RNF135: variants seen among roughly 807,000 people sequenced by gnomAD.
RNF135 encodes E3 ubiquitin-protein ligase RNF135.
RNF135 carries 46 observed loss-of-function variants against 41.9 expected under a neutral mutation model. The ratio of observed to expected loss-of-function variants is 1.10; its 90% CI spans 0.87 to 1.40. The LOEUF is 1.40. RNF135 is among the 40% of genes most tolerant of loss of function. The probability of loss-of-function intolerance (pLI) is 0.00; values close to 1 mark genes in which losing one functional copy is unlikely to be tolerated. For missense variants in RNF135, 539 were observed against 549.8 expected (o/e 0.98, Z 0.20); for synonymous variants, 238 against 223.8 (o/e 1.06, Z -0.57).
At chr17:30,983,686 T>C (rs920623813) in intron 1 of RNF135, among the ~76,000 whole-genome samples, 2 of 151,860 alleles carry the variant, frequency 1.3e-5, no homozygotes, top group African/African-American at 4.8e-5. Flanking sequence ...CACCATTCTG[T>C]CTTCCATAGT....
In RNF135 at chr17:30,999,518, T is replaced by C. The variant is rs971953780; in HGVS notation, c.*327T>C. On this transcript the variant is annotated 3_prime_UTR_variant, in exon 5 of 5. Transcript: ENST00000328381. ...AAAGAATAGGCCCCTGCCTGGCTCC[T>C]GGGAGATAACCTCTAAGCCATTAGA... 4 of 355,004 alleles carry C rather than the reference T, an allele frequency of 1.1e-5. No homozygotes were observed. Among genetic ancestry groups the C allele is most frequent in the South Asian group, 5.3e-5 (2 of 37,500 alleles). The allele number at this position is 355,004 out of a possible 1,614,324, so 22.0% of individuals were successfully genotyped here.
At chr17:30,994,419 C>A (rs989735838) in intron 3 of RNF135, among the ~76,000 whole-genome samples, 2 of 151,654 alleles carry the variant, frequency 1.3e-5, no homozygotes, top group Non-Finnish European at 2.9e-5. Context: ...TGGCACACAC[C>A]TGTAGTCCCA....
chr17:30,971,023 G>A (rs1432061326), upstream of RNF135: 4 of 1,532,378 alleles, frequency 2.6e-6, no homozygotes, highest in South Asian at 1.2e-5. Context: ...GGAGCCTGAG[G>A]AGACTCGCCC....
In RNF135 at chr17:30,971,046, A is replaced by G; in HGVS notation, c.-28A>G. On this transcript the variant is annotated 5_prime_UTR_variant, in exon 1 of 5. Coordinates refer to ENST00000328381, the MANE Select transcript of RNF135 (RefSeq NM_032322.4). ...AGGAGACTCGCCCGGCTCAACCCCG[A>G]CGTCCGCGCCCCGGCCGCCTGTTGG... 5 of 1,533,576 alleles carry G rather than the reference A, an allele frequency of 3.3e-6. No individual in the cohort carries two copies. Among genetic ancestry groups the G allele is most frequent in the Non-Finnish European group, 4.4e-6 (5 of 1,145,804 alleles). 95.0% of individuals were successfully genotyped at this position (1,533,576 alleles called of 1,614,324 possible).
intron 2 of RNF135, among the ~76,000 whole-genome samples, chr17:30,985,641 T>G (rs1907527883): frequency 6.6e-6 from 1 of 152,180 alleles, no homozygotes; most frequent in African/African-American, 2.4e-5. Flanking sequence ...GTCATAGTCT[T>G]CCAAATGCTC....
the RNF135 span, among the ~76,000 whole-genome samples, chr17:30,963,024 G>A: frequency 6.0e-5 from 9 of 150,180 alleles, no homozygotes; most frequent in Non-Finnish European, 7.4e-5. Context: ...TGACAATGTC[G>A]AAGTCCTATT....
At chr17:30,984,380 T>G (rs1038268877) in intron 1 of RNF135, among the ~76,000 whole-genome samples, 1 of 152,214 alleles carries the variant, frequency 6.6e-6, no homozygotes, top group Admixed American at 6.5e-5. Context: ...ATATCCAGTT[T>G]TCACAGTACA....
At chr17:30,969,969 G>C (rs182236575), upstream of RNF135, among the ~76,000 whole-genome samples, 1 of 151,596 alleles carries the variant, frequency 6.6e-6, no homozygotes, top group East Asian at 1.9e-4. Context: ...TAGAGATGAG[G>C]GTTCACCATG....
At chr17:30,973,716 T>C (rs574899214) in intron 1 of RNF135, among the ~76,000 whole-genome samples, 8 of 152,310 alleles carry the variant, frequency 5.3e-5, no homozygotes, top group African/African-American at 1.9e-4. Context: ...TCTGCCTACC[T>C]TGGCCTCCCA....
intron 3 of RNF135, among the ~76,000 whole-genome samples, chr17:30,995,387 C>CAAAA (rs796205868): frequency 7.6e-6 from 1 of 130,986 alleles, no homozygotes. Context: ...GACTCAGTCT[C>CAAAA]AAAAAAAAAA....
At chr17:30,973,509 C>G (rs1030654287) in intron 1 of RNF135, among the ~76,000 whole-genome samples, 6 of 151,876 alleles carry the variant, frequency 4.0e-5, no homozygotes, top group Middle Eastern at 3.4e-3. Context: ...GCTCCTTTCC[C>G]AGGGATGGAG....
chr17:30,969,851 G>A (rs1297163926), upstream of RNF135, among the ~76,000 whole-genome samples: 1 of 138,716 alleles, frequency 7.2e-6, no homozygotes, highest in Admixed American at 8.2e-5. Context: ...TGAAACCTCC[G>A]CCTCCCGGGT....
chr17:30,973,187 G>C (rs1231441456), intron 1 of RNF135: 1 of 152,062 alleles, frequency 6.6e-6, no homozygotes, highest in Admixed American at 6.5e-5. Flanking sequence ...CAAGTCCTTT[G>C]ACCATTTTAA....
intron 1 of RNF135, among the ~76,000 whole-genome samples, chr17:30,977,065 A>G (rs757180846): frequency 2.6e-5 from 4 of 151,852 alleles, no homozygotes; most frequent in African/African-American, 4.8e-5. Flanking sequence ...CTCTGGTGCT[A>G]TGATTTAGTT....
chr17:30,966,083 T>C (rs1340912732), upstream of RNF135, among the ~76,000 whole-genome samples: 4 of 152,334 alleles, frequency 2.6e-5, no homozygotes, highest in Admixed American at 2.6e-4. Flanking sequence ...AAACTTAATT[T>C]TGTGGCCTTT....
At chr17:30,959,508 A>G in the RNF135 span, 1 of 152,258 alleles carries the variant, frequency 6.6e-6, no homozygotes, top group Admixed American at 6.6e-5. Flanking sequence ...AGTAGAAGAT[A>G]GTTGGGTTGG....
At chr17:30,972,336 A>G (rs781640601) in intron 1 of RNF135, 1 of 143,796 alleles carries the variant, frequency 7.0e-6, no homozygotes, top group Non-Finnish European at 1.5e-5. Context: ...GATGGTCTCG[A>G]TCTTCTGACC....
chr17:30,997,844 G>A (rs577981941), intron 4 of RNF135, among the ~76,000 whole-genome samples: 2 of 152,294 alleles, frequency 1.3e-5, no homozygotes, highest in South Asian at 2.1e-4. Context: ...CTTCTCTTGC[G>A]GGATTGCCAT....
chr17:30,967,146 TGCCTC>T (rs1327107912), upstream of RNF135, among the ~76,000 whole-genome samples: 1 of 152,034 alleles, frequency 6.6e-6, no homozygotes, highest in Admixed American at 6.6e-5. Flanking sequence ...GCAATTCTCC[TGCCTC>T]GGCCTCTGGA....
Sources: gnomAD v4.1 joint callset for allele counts (sites outside exome capture counted in the v4.1 genomes callset) on GRCh38, gnomAD v4.1.1 for gene constraint, MANE v1.5 for transcripts, NCBI Gene and HGNC (gene_info 2026-07-23, HGNC 2026-07-21) for gene names.